Variants in HIP1 observed in about 807,000 individuals in gnomAD.
The protein encoded by HIP1 is huntingtin-interacting protein 1.
A neutral mutation model predicts 147.6 loss-of-function variants in HIP1; 65 were observed. The ratio of observed to expected loss-of-function variants is 0.44; its 90% CI spans 0.36 to 0.54. The LOEUF (loss-of-function observed/expected upper bound fraction) is 0.54, where lower values mean the gene tolerates loss of function less well. HIP1 is among the 20% of genes least tolerant of loss of function. HIP1 has a pLI of 0.00. For missense variants in HIP1, 1,061 were observed against 1,299.6 expected, an observed-to-expected ratio of 0.82 and a Z score of 2.82; for synonymous variants, 479 against 504.0, an observed-to-expected ratio of 0.95 and a Z score of 0.67.
At chr7:75,586,893 G>C in intron 4 of HIP1, 60 bp from the exon 5 acceptor site, 1 of 983,290 alleles carries the variant, frequency 1.0e-6, no homozygotes, top group Non-Finnish European at 1.6e-6. Context: ...CAAGAGATCT[G>C]CAGCCAGGAA....
chr7:75,687,823 C>T (rs1800317551), intron 1 of HIP1, among the ~76,000 whole-genome samples: 1 of 152,172 alleles, frequency 6.6e-6, no homozygotes, highest in African/African-American at 2.4e-5. Context: ...TGGTGCCTTC[C>T]TCTCTTCCCA....
At position 75,654,184 on chromosome 7, in the gene HIP1, C is replaced by G. The variant is rs1799077704; in HGVS notation, c.121-54937G>C. On this transcript the variant is annotated intron_variant, in intron 1 of 30. Transcript: ENST00000336926. ...CCAAGGCGGGCGGATCACCTGAGGT[C>G]AGGAGTTTAAGACCAGCCTGGTCAA... Among the ~76,000 whole-genome samples, 4 of 152,282 alleles carry G rather than the reference C, an allele frequency of 2.6e-5. No homozygotes were observed. In the South Asian group the frequency reaches 8.3e-4, roughly 32 times the overall value.
intron 1 of HIP1, among the ~76,000 whole-genome samples, chr7:75,670,347 G>A (rs1799696401): frequency 6.7e-6 from 1 of 148,590 alleles, no homozygotes; most frequent in African/African-American, 2.5e-5. Flanking sequence ...TCTAGGGATG[G>A]GGTTTCACCA....
intron 1 of HIP1, among the ~76,000 whole-genome samples, chr7:75,603,409 G>A (rs1797087053): frequency 6.6e-6 from 1 of 151,276 alleles, no homozygotes; most frequent in East Asian, 1.9e-4. Flanking sequence ...TACCTTGCAA[G>A]ACGGTGAGAG....
chr7:75,644,599 T>C (rs957372828), intron 1 of HIP1, among the ~76,000 whole-genome samples: 1 of 152,092 alleles, frequency 6.6e-6, no homozygotes, highest in African/African-American at 2.4e-5. Flanking sequence ...CTGGCTAAGA[T>C]AATTTTTTAA....
At chr7:75,664,596 GGAGAGAGA>G (rs145351179) in intron 1 of HIP1, among the ~76,000 whole-genome samples, 1 of 115,212 alleles carries the variant, frequency 8.7e-6, no homozygotes, top group Non-Finnish European at 2.0e-5. Context: ...ATATGTATAG[GGAGAGAGA>G]GAGAGAGAGA....
chr7:75,730,716 C>G (rs1248646047), intron 1 of HIP1, among the ~76,000 whole-genome samples: 1 of 151,182 alleles, frequency 6.6e-6, no homozygotes, highest in African/African-American at 2.4e-5. Flanking sequence ...ACCATTTGCA[C>G]ACAGTATGTG....
intron 5 of HIP1, among the ~76,000 whole-genome samples, chr7:75,585,536 G>A (rs587769722): frequency 2.0e-5 from 3 of 151,826 alleles, no homozygotes; most frequent in East Asian, 3.9e-4. Context: ...CTTTACCAGA[G>A]CCCGGTCCTC....
Position 75,632,922 on chromosome 7 carries a change from C to T in HIP1, c.121-33675G>A, listed in dbSNP as rs1034059551. The stretch of plus-strand genomic sequence containing the variant: ...GACACAGGAACAGAAAACGAAACAC[C>T]GCATGTTCTCACTTATAAGTAGGAC... On this transcript the variant is annotated intron_variant, in intron 1 of 30. Transcript: ENST00000336926. Among the ~76,000 whole-genome samples, 8 of 152,122 alleles carry T rather than the reference C, an allele frequency of 5.3e-5. No homozygotes were observed. In the East Asian group the frequency reaches 5.8e-4, roughly 11 times the overall value.
chr7:75,663,958 GTGTATATATATATACACATATA>G (rs1311901146), intron 1 of HIP1, among the ~76,000 whole-genome samples: 3,385 of 71,242 alleles, frequency 0.048, 723 homozygotes, highest in Non-Finnish European at 0.064. Flanking sequence ...ACACATATAT[GTGTATATATATATACACATATA>G]TGTGTATATA....
At chr7:75,659,086 G>C (rs542668078) in intron 1 of HIP1, among the ~76,000 whole-genome samples, 3 of 152,198 alleles carry the variant, frequency 2.0e-5, no homozygotes, top group Non-Finnish European at 2.9e-5. Context: ...ACACTGCTTT[G>C]GGTCATTTTG....
intron 1 of HIP1, among the ~76,000 whole-genome samples, chr7:75,675,461 C>G (rs1799859831): frequency 6.6e-6 from 1 of 152,176 alleles, no homozygotes; most frequent in Non-Finnish European, 1.5e-5. Context: ...CTTGGCCTCT[C>G]AAAGTGCTGG....
At chr7:75,557,554 C>T (rs1388763212) in intron 16 of HIP1, 100 bp downstream of exon 16, 15 of 845,522 alleles carry the variant, frequency 1.8e-5, no homozygotes, top group Non-Finnish European at 2.6e-5. Context: ...TGATGCCAAC[C>T]GACCCACAGA....
intron 1 of HIP1, among the ~76,000 whole-genome samples, chr7:75,705,316 T>C (rs1800951685): frequency 1.3e-5 from 2 of 152,192 alleles, no homozygotes; most frequent in South Asian, 4.1e-4. Context: ...AGATAATGTC[T>C]TCAAGGTTCA....
chr7:75,728,321 A>G (rs577629648), intron 1 of HIP1, among the ~76,000 whole-genome samples: 1 of 152,324 alleles, frequency 6.6e-6, no homozygotes, highest in East Asian at 1.9e-4. Context: ...AGTCCTGCCC[A>G]CACACTGGGA....
intron 1 of HIP1, among the ~76,000 whole-genome samples, chr7:75,678,294 C>A (rs1422104211): frequency 1.3e-5 from 2 of 149,474 alleles, no homozygotes; most frequent in African/African-American, 5.0e-5. Context: ...ATACTTTGCT[C>A]AAGATGTGGA....
At position 75,665,709 on chromosome 7, in the gene HIP1, T is replaced by G. The variant is rs963783052; in HGVS notation, c.121-66462A>C. Among the ~76,000 whole-genome samples, 3 of 151,920 alleles carry G rather than the reference T, an allele frequency of 2.0e-5. No homozygotes were observed. In the South Asian group the frequency reaches 6.2e-4, roughly 32 times the overall value. ...CATGCCATCACCATGCCTGGCTAATTTTTGTATTTTCAGTAGAGACGGGGT... is the reference window on the plus strand; with the variant it reads ...CATGCCATCACCATGCCTGGCTAATGTTTGTATTTTCAGTAGAGACGGGGT... On this transcript the variant is annotated intron_variant, in intron 1 of 30. Coordinates refer to ENST00000336926, the MANE Select transcript of HIP1 (RefSeq NM_005338.7).
At chr7:75,676,368 C>G (rs1431157349) in intron 1 of HIP1, among the ~76,000 whole-genome samples, 1 of 152,172 alleles carries the variant, frequency 6.6e-6, no homozygotes, top group South Asian at 2.1e-4. Flanking sequence ...TCGCACAGAG[C>G]CTCAAGGTCA....
intron 1 of HIP1, among the ~76,000 whole-genome samples, chr7:75,664,013 T>C (rs561536351): frequency 4.5e-4 from 11 of 24,484 alleles, no homozygotes; most frequent in Non-Finnish European, 5.4e-4. Flanking sequence ...TGTGTATATA[T>C]ATACACATAT....
Sources: allele counts gnomAD v4.1 joint callset (sites outside exome capture counted in the v4.1 genomes callset), GRCh38; gene constraint gnomAD v4.1.1; transcripts MANE v1.5; gene names NCBI Gene and HGNC (gene_info 2026-07-23, HGNC 2026-07-21).